The following RETREG3 variants were observed in gnomAD, a reference collection of about 807,000 sequenced individuals.
RETREG3 encodes the protein reticulophagy regulator 3.
In RETREG3, 23 loss-of-function variants were observed where a neutral mutation model predicts 50.2. The ratio of observed to expected loss-of-function variants is 0.46; its 90% CI spans 0.33 to 0.65. RETREG3 has a LOEUF of 0.65. RETREG3 is among the 30% of genes least tolerant of loss of function. The pLI, the probability that RETREG3 is intolerant of heterozygous loss-of-function variation, is 0.02. For synonymous variants in RETREG3, 240 were observed against 234.4 expected (o/e 1.02, Z -0.22); for missense variants, 546 against 598.0 (o/e 0.91, Z 0.91).
At chr17:42,587,471 T>C (rs1385251003) in intron 3 of RETREG3, among the ~76,000 whole-genome samples, 4 of 152,188 alleles carry the variant, frequency 2.6e-5, no homozygotes, top group African/African-American at 9.6e-5. Context: ...CCGGGAACTT[T>C]AAATAGCCAG....
At chr17:42,585,435 G>C (rs566404012) in intron 5 of RETREG3, among the ~76,000 whole-genome samples, 173 bp from the exon 6 acceptor site, 1 of 152,204 alleles carries the variant, frequency 6.6e-6, no homozygotes, top group African/African-American at 2.4e-5. Flanking sequence ...AGTCTTTGAG[G>C]GCAGGGACTT....
At chr17:42,604,040 CT>C (rs1442600167) in intron 1 of RETREG3, among the ~76,000 whole-genome samples, 4 of 146,024 alleles carry the variant, frequency 2.7e-5, no homozygotes, top group Non-Finnish European at 6.1e-5. Context: ...AATATCTCTA[CT>C]TAAATGGGCT....
intron 7 of RETREG3, 127 bp from the exon 8 acceptor site, chr17:42,582,933 A>G: frequency 8.1e-7 from 1 of 1,239,744 alleles, no homozygotes; most frequent in Non-Finnish European, 1.1e-6. Context: ...CCAGGGATAG[A>G]TGGTAACTTC....
In RETREG3 at chr17:42,591,936, C is replaced by T. The variant is rs138834911; in HGVS notation, c.346+120G>A. The T allele has an allele frequency of 8.5e-5, 70 of 823,386 alleles. No homozygotes were observed. In the African/African-American group the frequency reaches 1.0e-3, roughly 12 times the overall value. 51.0% of individuals were successfully genotyped at this position (823,386 alleles called of 1,614,324 possible). On this transcript the variant is annotated intron_variant, in intron 2 of 8. Transcript: ENST00000309428. The stretch of plus-strand genomic sequence containing the variant: ...CAAGTGCCTCCTAAAGCAAATGATT[C>T]AGACTTCAAAAGACAGTCCCCAGCT...
At position 42,581,740 on chromosome 17, in the gene RETREG3, T is replaced by G; in HGVS notation, c.*73A>C. On this transcript the variant is annotated 3_prime_UTR_variant, in exon 9 of 9. Transcript: ENST00000309428. Reference sequence around the variant, plus strand: ...AGGGGAGGGGAGCTGAGTTCTTCCCTTGCCCCATCACCTTAAGTGGGATGG... The same window carrying G: ...AGGGGAGGGGAGCTGAGTTCTTCCCGTGCCCCATCACCTTAAGTGGGATGG... 3.6e-6 allele frequency: 5 copies of G among 1,376,082 alleles called. No individual in the cohort carries two copies. The highest frequency in any genetic ancestry group is 4.9e-6 in the Non-Finnish European group (5 of 1,021,736). The allele number at this position is 1,376,082 out of a possible 1,614,324, so 85.2% of individuals were successfully genotyped here. A position where few individuals can be genotyped will look rare whatever the true frequency, so the allele number is the denominator to read the frequency against.
Position 42,580,696 on chromosome 17 carries a change from G to A in RETREG3, c.*1117C>T, listed in dbSNP as rs2093105672. The A allele has an allele frequency of 1.3e-5, 2 of 152,266 alleles. No individual in the cohort carries two copies. Among genetic ancestry groups the A allele is most frequent in the Non-Finnish European group, 2.9e-5 (2 of 68,022 alleles). 9.4% of individuals were successfully genotyped at this position (152,266 alleles called of 1,614,324 possible). A position where few individuals can be genotyped will look rare whatever the true frequency, so the allele number is the denominator to read the frequency against. On this transcript the variant is annotated 3_prime_UTR_variant, in exon 9 of 9. Transcript: ENST00000309428. ...CAAGAAATGATGGGCTAGATGAGAG[G>A]GAGCAGGCCTGTTCTGCAAAACCAA...
intron 6 of RETREG3, 71 bp downstream of exon 6, chr17:42,585,054 T>C (rs2093118372): frequency 1.9e-6 from 3 of 1,574,282 alleles, no homozygotes; most frequent in Non-Finnish European, 2.6e-6. Flanking sequence ...CCACCCAGTA[T>C]GTCAGACCTA....
chr17:42,605,292 C>T (rs2093165877), intron 1 of RETREG3: 1 of 151,554 alleles, frequency 6.6e-6, no homozygotes, highest in Non-Finnish European at 1.5e-5. Context: ...CTCCTAATAC[C>T]TCAAAATGCA....
Position 42,587,838 on chromosome 17 carries a change from C to G in RETREG3, c.373G>C (p.Glu125Gln), listed in dbSNP as rs776718318. 3.7e-6 allele frequency: 6 copies of G among 1,614,024 alleles called. No individual in the cohort carries two copies. In the Admixed American group the frequency reaches 1.0e-4, roughly 27 times the overall value. The change falls in exon 3 of 9, where the codon GAG becomes CAG. Residue 125 changes from glutamate (E) to glutamine (Q), a missense_variant. Coordinates refer to ENST00000309428, the MANE Select transcript of RETREG3 (RefSeq NM_178126.4). ...GATTTAATTAGTGTTCCATACCTCT[C>G]ATTGTCTAATGCGTCGGGTCTTGGC... ...KVPRPDALDNESWGFVHPRLL... is the reference protein window; with the variant it reads ...KVPRPDALDNQSWGFVHPRLL...
rs575000795 is a variant in RETREG3, at chr17:42,602,189, C to T, written c.239+6897G>A. 2.6e-5 allele frequency among the ~76,000 whole-genome samples: 4 copies of T among 151,880 alleles called. No homozygotes were observed. The South Asian group carries it at 6.2e-4, about 24-fold the overall frequency. The stretch of plus-strand genomic sequence containing the variant: ...AAATCAGCCAAGACATGGTGGTGCA[C>T]GCCGGTAGTCCCAGCTACTTGGGAG... On this transcript the variant is annotated intron_variant, in intron 1 of 8. Coordinates refer to ENST00000309428, the MANE Select transcript of RETREG3 (RefSeq NM_178126.4).
chr17:42,596,786 CATT>C (rs2093146022), intron 1 of RETREG3, among the ~76,000 whole-genome samples: 1 of 151,946 alleles, frequency 6.6e-6, no homozygotes, highest in African/African-American at 2.4e-5. Context: ...TGTAAGAGAA[CATT>C]AATATTAATT....
intron 1 of RETREG3, among the ~76,000 whole-genome samples, chr17:42,602,937 TCCCCCGC>T (rs1313434924): frequency 6.6e-6 from 1 of 151,476 alleles, no homozygotes; most frequent in Non-Finnish European, 1.5e-5. Context: ...TGAGATCCTG[TCCCCCGC>T]CAAAAAAAAA....
At chr17:42,588,406 C>T (rs981529854) in intron 2 of RETREG3, among the ~76,000 whole-genome samples, 1 of 151,622 alleles carries the variant, frequency 6.6e-6, no homozygotes, top group African/African-American at 2.4e-5. Flanking sequence ...CCACAATGCC[C>T]GGCTAATTTT....
intron 1 of RETREG3, among the ~76,000 whole-genome samples, chr17:42,595,659 T>C (rs2093142629): frequency 6.7e-6 from 1 of 149,786 alleles, no homozygotes; most frequent in Non-Finnish European, 1.5e-5. Flanking sequence ...ACCCTATTTC[T>C]TTCTTTCTTT....
In RETREG3 at chr17:42,609,142, C is replaced by T. The variant is rs1196850127; in HGVS notation, c.183G>A (p.Val61=). The T allele has an allele frequency of 6.2e-7, 1 of 1,610,080 alleles. No homozygotes were observed. ...GAGCGCTCCTAGCTGGCCGCTCCCA[C>T]ACCAGGGCTGCCTGCACCCGACTCA... The part of the protein sequence containing the change: ...PLLSRVQAAL[V]WERPARSALW... The change falls in exon 1 of 9, where the codon GTG becomes GTA. Residue 61 remains valine (V), a synonymous_variant. Coordinates refer to ENST00000309428, the MANE Select transcript of RETREG3 (RefSeq NM_178126.4).
chr17:42,587,781 T>C (rs2093124117), intron 3 of RETREG3, 53 bp downstream of exon 3: 2 of 1,606,526 alleles, frequency 1.2e-6, no homozygotes, highest in African/African-American at 2.7e-5. Context: ...AACCAGAATA[T>C]TACAAGAGAA....
intron 8 of RETREG3, 137 bp downstream of exon 8, chr17:42,582,537 A>G: frequency 7.4e-7 from 1 of 1,347,036 alleles, no homozygotes; most frequent in Non-Finnish European, 1.0e-6. Flanking sequence ...CTGTAGCCAC[A>G]GCACTCAGGC....
rs549572628 is a variant in RETREG3, at chr17:42,591,994, A to C, written c.346+62T>G. ...CCTCCTCATAAACCCCTAATACTAA[A>C]GGTACAAATTATAGGAAAGGCCATC... On this transcript the variant is annotated intron_variant, in intron 2 of 8. Transcript: ENST00000309428. The C allele has an allele frequency of 1.1e-5, 15 of 1,390,662 alleles. No homozygotes were observed. The East Asian group carries it at 3.5e-4, about 32-fold the overall frequency. 86.1% of individuals were successfully genotyped at this position (1,390,662 alleles called of 1,614,324 possible).
Position 42,586,906 on chromosome 17 carries a change from A to AG in RETREG3, c.378-16dup. ...CAAAGCCCCAGCTATGGGAGAGAGA[A>AG]GGGGGAGCTGTGAAAGGAGGGTGTT... On this transcript the variant is annotated splice_polypyrimidine_tract_variant and intron_variant, in intron 3 of 8. Transcript: ENST00000309428. 1 of 1,612,406 alleles carries AG rather than the reference A, an allele frequency of 6.2e-7. No individual in the cohort carries two copies. The highest frequency in any genetic ancestry group is 8.5e-7 in the Non-Finnish European group (1 of 1,179,398).
Sources: allele counts gnomAD v4.1 joint callset (sites outside exome capture counted in the v4.1 genomes callset), GRCh38; gene constraint gnomAD v4.1.1; transcripts MANE v1.5; gene names NCBI Gene and HGNC (gene_info 2026-07-23, HGNC 2026-07-21).